Variants in CHSY3 observed in about 807,000 individuals in gnomAD.
CHSY3 encodes chondroitin sulfate synthase 3.
In CHSY3, 35 loss-of-function variants were observed where a neutral mutation model predicts 67.2. That is an observed-to-expected ratio of 0.52 (90% confidence interval 0.40 to 0.69). The LOEUF is 0.69. CHSY3 is among the 30% of genes least tolerant of loss of function. CHSY3 has a pLI of 0.00. For missense variants in CHSY3, 1,069 were observed against 1,138.5 expected (o/e 0.94, Z 0.88); for synonymous variants, 474 against 434.7 (o/e 1.09, Z -1.12).
intron 2 of CHSY3, among the ~76,000 whole-genome samples, chr5:130,098,286 C>A (rs988647585): frequency 6.6e-6 from 1 of 152,112 alleles, no homozygotes; most frequent in Non-Finnish European, 1.5e-5. Flanking sequence ...TTTAAAAAAT[C>A]ATGATTTGTC....
chr5:130,070,471 T>C (rs1318316658), intron 2 of CHSY3, among the ~76,000 whole-genome samples: 1 of 152,102 alleles, frequency 6.6e-6, no homozygotes, highest in African/African-American at 2.4e-5. Flanking sequence ...CTTTCCCTGG[T>C]ACATCACAGT....
intron 2 of CHSY3, among the ~76,000 whole-genome samples, chr5:129,927,095 G>A (rs548205690): frequency 7.2e-5 from 11 of 151,808 alleles, no homozygotes; most frequent in South Asian, 6.2e-4. Context: ...CCTGATTTAC[G>A]TAAATTTTAG....
At chr5:129,912,245 C>T (rs1053512874) in intron 2 of CHSY3, among the ~76,000 whole-genome samples, 5 of 151,844 alleles carry the variant, frequency 3.3e-5, no homozygotes, top group African/African-American at 1.2e-4. Flanking sequence ...ATAAAGAATC[C>T]CAAACAGATC....
At chr5:130,073,432 C>T (rs1766151701) in intron 2 of CHSY3, among the ~76,000 whole-genome samples, 1 of 151,920 alleles carries the variant, frequency 6.6e-6, no homozygotes, top group South Asian at 2.1e-4. Context: ...GGATTACAGG[C>T]ATATGCTACC....
At chr5:130,035,890 T>G (rs1006132315) in intron 2 of CHSY3, among the ~76,000 whole-genome samples, 2 of 144,740 alleles carry the variant, frequency 1.4e-5, no homozygotes, top group Admixed American at 6.8e-5. Flanking sequence ...TTGGTTGTTT[T>G]TTTTTTTTTT....
chr5:130,099,224 A>C (rs950226243), intron 2 of CHSY3, among the ~76,000 whole-genome samples: 2 of 152,236 alleles, frequency 1.3e-5, no homozygotes, highest in African/African-American at 4.8e-5. Context: ...TGGAATAATT[A>C]CGTGGAAGTT....
chr5:130,099,216 G>T (rs1767148452), intron 2 of CHSY3, among the ~76,000 whole-genome samples: 1 of 152,200 alleles, frequency 6.6e-6, no homozygotes, highest in South Asian at 2.1e-4. Flanking sequence ...GATAAAAATG[G>T]AATAATTACG....
intron 2 of CHSY3, among the ~76,000 whole-genome samples, chr5:129,980,438 T>G (rs1315313147): frequency 6.6e-6 from 1 of 152,222 alleles, no homozygotes; most frequent in Non-Finnish European, 1.5e-5. Context: ...TCTGGTGAGG[T>G]CTTTGACCCA....
At chr5:130,110,496 A>G (rs1767557739) in intron 2 of CHSY3, among the ~76,000 whole-genome samples, 1 of 152,024 alleles carries the variant, frequency 6.6e-6, no homozygotes, top group African/African-American at 2.4e-5. Context: ...GAGAGCACAG[A>G]TAAACCACAG....
intron 2 of CHSY3, among the ~76,000 whole-genome samples, chr5:130,027,926 A>T (rs1047107527): frequency 7.2e-5 from 11 of 152,194 alleles, no homozygotes; most frequent in African/African-American, 2.7e-4. Flanking sequence ...GTGCTGCAAT[A>T]AACATATGTG....
At chr5:130,015,413 A>G (rs1022776286) in intron 2 of CHSY3, among the ~76,000 whole-genome samples, 1 of 152,198 alleles carries the variant, frequency 6.6e-6, no homozygotes, top group Non-Finnish European at 1.5e-5. Context: ...ACCTCATAAA[A>G]AATGGGCAAA....
At chr5:129,979,209 AAAAAAAAAAAAAAAAAG>A (rs1263640561) in intron 2 of CHSY3, among the ~76,000 whole-genome samples, 1 of 146,906 alleles carries the variant, frequency 6.8e-6, no homozygotes, top group African/African-American at 2.6e-5. Context: ...CAAAAAAAAA[AAAAAAAAAAAAAAAAAG>A]AAAGAAAAGA....
chr5:129,960,566 A>G (rs896833803), intron 2 of CHSY3, among the ~76,000 whole-genome samples: 5 of 152,028 alleles, frequency 3.3e-5, no homozygotes, highest in African/African-American at 7.2e-5. Context: ...CGGAAATTAC[A>G]AAAAAGATTA....
intron 2 of CHSY3, among the ~76,000 whole-genome samples, chr5:130,126,331 T>A (rs964432412): frequency 2.6e-5 from 4 of 152,152 alleles, no homozygotes; most frequent in African/African-American, 9.7e-5. Context: ...TAACATTAGA[T>A]AATCTTACTA....
chr5:130,039,839 T>C (rs1764961053), intron 2 of CHSY3, among the ~76,000 whole-genome samples: 1 of 152,050 alleles, frequency 6.6e-6, no homozygotes, highest in Admixed American at 6.6e-5. Flanking sequence ...AACTTCCCCC[T>C]AAATAGCAGT....
chr5:130,078,773 T>G (rs1766353391), intron 2 of CHSY3, among the ~76,000 whole-genome samples: 1 of 152,136 alleles, frequency 6.6e-6, no homozygotes. Flanking sequence ...TGCTTGAACC[T>G]TCAGTGATGC....
chr5:130,040,514 A>T (rs1764979455), intron 2 of CHSY3, among the ~76,000 whole-genome samples: 1 of 152,134 alleles, frequency 6.6e-6, no homozygotes, highest in South Asian at 2.1e-4. Flanking sequence ...TTTTGAGGAG[A>T]TGGCAAAGGC....
chr5:129,996,011 C>T (rs1290619849), intron 2 of CHSY3, among the ~76,000 whole-genome samples: 2 of 151,984 alleles, frequency 1.3e-5, no homozygotes, highest in South Asian at 2.1e-4. Flanking sequence ...GGGCTTAGAA[C>T]CAAAAAGATA....
At chr5:130,053,084 C>T (rs1218512201) in intron 2 of CHSY3, among the ~76,000 whole-genome samples, 1 of 152,044 alleles carries the variant, frequency 6.6e-6, no homozygotes, top group Non-Finnish European at 1.5e-5. Context: ...AAAGATTAGA[C>T]ATGGCTCAAT....
Sources: allele counts gnomAD v4.1 joint callset (sites outside exome capture counted in the v4.1 genomes callset), GRCh38; gene constraint gnomAD v4.1.1; transcripts MANE v1.5; gene names NCBI Gene and HGNC (gene_info 2026-07-23, HGNC 2026-07-21).